FOXP1: variants seen among roughly 807,000 people sequenced by gnomAD.
The protein encoded by FOXP1 is forkhead box P1, also known as forkhead box protein P1.
In FOXP1, 15 loss-of-function variants were observed where a neutral mutation model predicts 98.2. The ratio of observed to expected loss-of-function variants is 0.15; its 90% CI spans 0.10 to 0.24. FOXP1 has a LOEUF of 0.24. Among genes scored for constraint, FOXP1 ranks in the 10% least tolerant of loss-of-function variants. FOXP1 has a pLI of 1.00. For synonymous variants in FOXP1, 371 were observed against 314.5 expected (o/e 1.18, Z -1.90); for missense variants, 633 against 848.5 (o/e 0.75, Z 3.15).
chr3:71,347,906 G>A (rs1208329678), intron 4 of FOXP1, among the ~76,000 whole-genome samples: 1 of 151,352 alleles, frequency 6.6e-6, no homozygotes, highest in Non-Finnish European at 1.5e-5. Flanking sequence ...AAACAGAGTT[G>A]TCCCTCATTA....
chr3:71,373,557 A>G (rs1413735287), intron 3 of FOXP1, among the ~76,000 whole-genome samples: 1 of 152,220 alleles, frequency 6.6e-6, no homozygotes, highest in Admixed American at 6.5e-5. Context: ...AGTTATAAAA[A>G]AATCATTAAA....
chr3:71,580,746 TC>T (rs1331889255), intron 2 of FOXP1: 4 of 977,512 alleles, frequency 4.1e-6, no homozygotes, highest in Non-Finnish European at 4.9e-6. Flanking sequence ...GCAGAAAAAT[TC>T]CTTTAAATAT....
chr3:71,519,225 G>T (rs1259300749), intron 2 of FOXP1, among the ~76,000 whole-genome samples: 1 of 152,188 alleles, frequency 6.6e-6, no homozygotes, highest in African/African-American at 2.4e-5. Flanking sequence ...CAGCCTGGGT[G>T]GTAGAGGGAG....
chr3:71,505,466 G>C (rs1228359882), intron 2 of FOXP1, among the ~76,000 whole-genome samples: 1 of 143,136 alleles, frequency 7.0e-6, no homozygotes, highest in East Asian at 2.0e-4. Context: ...CGTCGCCCAG[G>C]CTGGAGTGCA....
intron 6 of FOXP1, among the ~76,000 whole-genome samples, chr3:71,185,177 A>T (rs114827926): frequency 0.018 from 2,745 of 152,102 alleles, 88 homozygotes; most frequent in African/African-American, 0.059. Flanking sequence ...TGGATGACAG[A>T]CCACGACTCC....
chr3:71,295,533 T>C (rs531140936), intron 5 of FOXP1, among the ~76,000 whole-genome samples: 1 of 151,592 alleles, frequency 6.6e-6, no homozygotes, highest in East Asian at 1.9e-4. Flanking sequence ...CTTTTGATTG[T>C]TTTTTAGTTT....
chr3:71,455,287 G>C (rs538630893), intron 3 of FOXP1, among the ~76,000 whole-genome samples: 1 of 152,146 alleles, frequency 6.6e-6, no homozygotes, highest in Admixed American at 6.5e-5. Flanking sequence ...CCTACGTATA[G>C]ACAACTTCAA....
At chr3:71,518,926 G>C (rs540654653) in intron 2 of FOXP1, among the ~76,000 whole-genome samples, 223 of 152,354 alleles carry the variant, frequency 1.5e-3, no homozygotes, top group African/African-American at 5.1e-3. Flanking sequence ...CCGAATAGAT[G>C]AAAGTGGTTA....
At chr3:71,488,407 G>C (rs1186094898) in intron 3 of FOXP1, among the ~76,000 whole-genome samples, 2 of 152,202 alleles carry the variant, frequency 1.3e-5, no homozygotes, top group East Asian at 3.8e-4. Context: ...GTGGTACTAG[G>C]GAACTGGGGT....
chr3:71,076,721 CCTT>C (rs2053843254), intron 7 of FOXP1, among the ~76,000 whole-genome samples: 1 of 152,204 alleles, frequency 6.6e-6, no homozygotes, highest in South Asian at 2.1e-4. Context: ...TTCCTCTTCT[CCTT>C]CTTCCTGTTT....
intron 4 of FOXP1, among the ~76,000 whole-genome samples, chr3:71,339,345 C>CA (rs2076875897): frequency 6.6e-6 from 1 of 152,186 alleles, no homozygotes; most frequent in South Asian, 2.1e-4. Context: ...TTTAATTTGT[C>CA]AAAATCTATC....
intron 2 of FOXP1, among the ~76,000 whole-genome samples, chr3:71,534,278 G>A (rs539241115): frequency 7.9e-5 from 12 of 152,250 alleles, no homozygotes; most frequent in South Asian, 2.1e-4. Flanking sequence ...CAGGAGAATC[G>A]CTTGGACCTG....
intron 2 of FOXP1, among the ~76,000 whole-genome samples, chr3:71,505,663 G>A (rs2041765386): frequency 6.6e-6 from 1 of 152,164 alleles, no homozygotes; most frequent in South Asian, 2.1e-4. Context: ...CTGACCTCAT[G>A]ATTTGCCTGC....
At chr3:71,457,384 C>A (rs1361904145) in intron 3 of FOXP1, among the ~76,000 whole-genome samples, 2 of 152,130 alleles carry the variant, frequency 1.3e-5, no homozygotes, top group Non-Finnish European at 2.9e-5. Flanking sequence ...TTAGCATGGA[C>A]CATTTTTCAT....
chr3:70,972,442 G>C, intron 18 of FOXP1, 113 bp downstream of exon 18: 5 of 1,475,308 alleles, frequency 3.4e-6, no homozygotes, highest in Non-Finnish European at 4.7e-6. Context: ...CCTTAACTGA[G>C]ACAACGTGAA....
intron 9 of FOXP1, among the ~76,000 whole-genome samples, chr3:71,051,405 C>G (rs2107088080): frequency 6.6e-6 from 1 of 152,188 alleles, no homozygotes; most frequent in African/African-American, 2.4e-5. Flanking sequence ...GGAAAACGTC[C>G]CCAATTTGTG....
At chr3:71,473,624 C>A (rs1327172510) in intron 3 of FOXP1, among the ~76,000 whole-genome samples, 1 of 151,448 alleles carries the variant, frequency 6.6e-6, no homozygotes, top group Non-Finnish European at 1.5e-5. Context: ...CACCTCCCCG[C>A]CACCACCCGC....
intron 5 of FOXP1, among the ~76,000 whole-genome samples, chr3:71,282,152 C>T (rs2107423714): frequency 6.6e-6 from 1 of 152,090 alleles, no homozygotes; most frequent in African/African-American, 2.4e-5. Context: ...GAGAAGATCC[C>T]TCTAAGTGGT....
chr3:71,058,204 T>C (rs1270249110), intron 7 of FOXP1, among the ~76,000 whole-genome samples: 1 of 152,144 alleles, frequency 6.6e-6, no homozygotes, highest in East Asian at 1.9e-4. Flanking sequence ...AATAACATGT[T>C]ATCATTTTCT....
Sources: allele counts gnomAD v4.1 joint callset (sites outside exome capture counted in the v4.1 genomes callset), GRCh38; gene constraint gnomAD v4.1.1; transcripts MANE v1.5; gene names NCBI Gene and HGNC (gene_info 2026-07-23, HGNC 2026-07-21).